NISCH: variants seen among roughly 807,000 people sequenced by gnomAD.
NISCH encodes nischarin, also known as I-1 receptor candidate protein.
A neutral mutation model predicts 138.4 loss-of-function variants in NISCH; 55 were observed. The ratio of observed to expected loss-of-function variants is 0.40; its 90% CI spans 0.32 to 0.50. The LOEUF (loss-of-function observed/expected upper bound fraction) is 0.50, where lower values mean the gene tolerates loss of function less well. Among genes scored for constraint, NISCH ranks in the 20% least tolerant of loss-of-function variants. The pLI, the probability that NISCH is intolerant of heterozygous loss-of-function variation, is 0.71. For synonymous variants in NISCH, 860 were observed against 861.5 expected, an observed-to-expected ratio of 1.00 and a Z score of 0.03; for missense variants, 1,643 against 2,005.5, an observed-to-expected ratio of 0.82 and a Z score of 3.45.
At chr3:52,473,516 G>C (rs952258724) in intron 6 of NISCH, among the ~76,000 whole-genome samples, 2 of 152,200 alleles carry the variant, frequency 1.3e-5, no homozygotes, top group Non-Finnish European at 2.9e-5. Context: ...TTGTGAGTCT[G>C]AGGGGCCAGG....
Position 52,457,878 on chromosome 3 carries a change from G to A in NISCH, c.129G>A (p.Glu43=). ...YIIQVTDGSH[E]WTVKHRYSDF... is the part of the protein sequence containing the mutation. ...TCCAGGTCACTGATGGCAGCCATGAGTGGACAGTAAAGCACCGCTACAGCG... is the reference window on the plus strand; with the variant it reads ...TCCAGGTCACTGATGGCAGCCATGAATGGACAGTAAAGCACCGCTACAGCG... Residue 43 remains glutamate, a synonymous_variant, in exon 2 of 21, where the codon GAG becomes GAA. Coordinates refer to ENST00000345716, the MANE Select transcript of NISCH (RefSeq NM_007184.4). 2.5e-6 allele frequency: 4 copies of A among 1,612,606 alleles called. No homozygotes were observed. The highest frequency in any genetic ancestry group is 2.2e-5 in the East Asian group (1 of 44,816).
chr3:52,456,844 A>G (rs921851392), intron 1 of NISCH, among the ~76,000 whole-genome samples: 2 of 152,182 alleles, frequency 1.3e-5, no homozygotes, highest in Non-Finnish European at 2.9e-5. Context: ...TAGGTGCAGG[A>G]GGCGGGTGAG....
intron 13 of NISCH, among the ~76,000 whole-genome samples, chr3:52,483,813 A>G (rs1488872659): frequency 6.6e-6 from 1 of 152,242 alleles, no homozygotes; most frequent in Non-Finnish European, 1.5e-5. Flanking sequence ...ATGCTCCAGG[A>G]GTGAACACAT....
rs1023573631 is a variant in NISCH, at chr3:52,484,219, G to C, written c.1529-294G>C. ...TAATCTATCCTGGTTTTTAAAAAAT[G>C]TGTCTGTGGAAGTTTAATTTTTATG... On this transcript the variant is annotated intron_variant, in intron 13 of 20. Transcript: ENST00000345716. 8.7e-6 allele frequency: 3 copies of C among 346,136 alleles called. No individual in the cohort carries two copies. The South Asian group carries it at 1.5e-4, about 18-fold the overall frequency. 21.4% of individuals were successfully genotyped at this position (346,136 alleles called of 1,614,324 possible).
At position 52,458,804 on chromosome 3, in the gene NISCH, C is replaced by A. The variant is rs1476032512; in HGVS notation, c.320C>A (p.Thr107Asn). 1 of 1,611,746 alleles carries A rather than the reference C, an allele frequency of 6.2e-7. No homozygotes were observed. The highest frequency in any genetic ancestry group is 8.5e-7 in the Non-Finnish European group (1 of 1,179,676). Residue 107 changes from threonine (T) to asparagine (N), a missense_variant, in exon 3 of 21, where the codon ACC becomes AAC. Transcript: ENST00000345716. The part of the protein sequence containing the change: ...QKLLAAFPGV[T>N]PRVLAHFLHF... ...CTCCTGGCTGCCTTCCCTGGCGTGA[C>A]CCCCAGAGTACTGGCCCACTTCTTG... is the stretch of plus-strand genomic sequence containing the variant.
At chr3:52,491,008 C>T (rs908547083) in intron 19 of NISCH, among the ~76,000 whole-genome samples, 175 bp downstream of exon 19, 27 of 152,238 alleles carry the variant, frequency 1.8e-4, no homozygotes, top group African/African-American at 6.5e-4. Flanking sequence ...GCAGAACTCA[C>T]GCTCCAGGGC....
At chr3:52,480,346 G>A in intron 13 of NISCH, 51 bp downstream of exon 13, 1 of 1,607,880 alleles carries the variant, frequency 6.2e-7, no homozygotes. Flanking sequence ...CCCTGCCTGG[G>A]CCCCCTGGCT....
At chr3:52,489,248 A>G (rs1707495316) in intron 16 of NISCH, 88 bp from the exon 17 acceptor site, 2 of 1,469,132 alleles carry the variant, frequency 1.4e-6, no homozygotes, top group Non-Finnish European at 1.9e-6. Flanking sequence ...TGTGTGATGC[A>G]CACAGTCTCC....
At chr3:52,482,157 G>A (rs546910855) in intron 13 of NISCH, among the ~76,000 whole-genome samples, 10 of 152,182 alleles carry the variant, frequency 6.6e-5, no homozygotes, top group Non-Finnish European at 1.2e-4. Flanking sequence ...AGGCCTCCCC[G>A]TGTGTTTTTT....
intron 13 of NISCH, chr3:52,481,746 C>T (rs1707281005): frequency 1.0e-6 from 1 of 985,484 alleles, no homozygotes; most frequent in Admixed American, 6.1e-5. Context: ...GGCAGCCCCC[C>T]ACATTGTCGG....
Position 52,487,698 on chromosome 3 carries a change from A to G in NISCH, c.2206A>G (p.Ile736Val). 6.2e-7 allele frequency: 1 copy of G among 1,613,724 alleles called. No homozygotes were observed. The highest frequency in any genetic ancestry group is 1.3e-5 in the African/African-American group (1 of 74,992). Residue 736 changes from isoleucine to valine, a missense_variant, in exon 16 of 21, where the codon ATC becomes GTC. By Grantham distance (29) the Ile-to-Val change is conservative. Transcript: ENST00000345716. This position sits in a 1 kb window ranked among gnomAD's most constrained non-coding sequence, Gnocchi z 9.1. Reference protein sequence around the residue: ...AACLVLTDFGIAVFEIPHQES... With the variant: ...AACLVLTDFGVAVFEIPHQES... ...CTGCCTTGTGCTCACCGACTTCGGC[A>G]TCGCAGTCTTCGAGATCCCGCACCA...
At chr3:52,465,100 A>G (rs1474194174) in intron 3 of NISCH, among the ~76,000 whole-genome samples, 1 of 152,216 alleles carries the variant, frequency 6.6e-6, no homozygotes, top group Non-Finnish European at 1.5e-5. Flanking sequence ...ATCCAAGGTC[A>G]CAAAGATTTA....
intron 4 of NISCH, 84 bp from the exon 5 acceptor site, chr3:52,471,730 G>A (rs918117046): frequency 7.1e-7 from 1 of 1,404,044 alleles, no homozygotes; most frequent in South Asian, 1.2e-5. Flanking sequence ...CCAACTGCTT[G>A]TTGACAGAAA....
chr3:52,480,984 G>C, intron 13 of NISCH: 1 of 1,451,204 alleles, frequency 6.9e-7, no homozygotes, highest in Non-Finnish European at 9.1e-7. Flanking sequence ...GCCGAGGCTC[G>C]GGACACGCAG....
intron 3 of NISCH, among the ~76,000 whole-genome samples, chr3:52,462,812 A>G (rs1176846277): frequency 2.0e-5 from 3 of 151,548 alleles, no homozygotes; most frequent in South Asian, 4.2e-4. Context: ...AATTTTTTGT[A>G]TTTTTAGTAG....
At chr3:52,473,624 T>C in intron 6 of NISCH, 110 bp from the exon 7 acceptor site, 1 of 658,480 alleles carries the variant, frequency 1.5e-6, no homozygotes, top group Non-Finnish European at 2.6e-6. Context: ...CTCTGAGGAT[T>C]TGGGTTGCCT....
intron 3 of NISCH, among the ~76,000 whole-genome samples, chr3:52,466,999 C>CTTTTTTTT (rs11457136): frequency 1.5e-4 from 19 of 122,742 alleles, no homozygotes; most frequent in African/African-American, 3.1e-4. Context: ...GTTTCTTTTT[C>CTTTTTTTT]TTTTTTTTTT....
At chr3:52,470,782 G>C in intron 3 of NISCH, 77 bp from the exon 4 acceptor site, 1 of 1,176,280 alleles carries the variant, frequency 8.5e-7, no homozygotes, top group Non-Finnish European at 1.3e-6. Context: ...CAACAGAGGG[G>C]ATAGATAGCG....
chr3:52,489,319 T>C lies in NISCH; in HGVS notation c.3114-17T>C. 7 of 1,601,958 alleles carry C rather than the reference T, an allele frequency of 4.4e-6. No individual in the cohort carries two copies. The highest frequency in any genetic ancestry group is 6.0e-6 in the Non-Finnish European group (7 of 1,174,128). ...TTTGGGGTCCGCTGTTAATATGGTGTTTTTCGGGGGATACAGCAATGACCA... is the reference window on the plus strand; with the variant it reads ...TTTGGGGTCCGCTGTTAATATGGTGCTTTTCGGGGGATACAGCAATGACCA... On this transcript the variant is annotated splice_polypyrimidine_tract_variant and intron_variant, in intron 16 of 20. Transcript: ENST00000345716.
Sources: gnomAD v4.1 joint callset for allele counts (sites outside exome capture counted in the v4.1 genomes callset) on GRCh38, gnomAD v4.1.1 for gene constraint, Gnocchi (gnomAD v3.1) non-coding constraint, MANE v1.5 for transcripts, NCBI Gene and HGNC (gene_info 2026-07-23, HGNC 2026-07-21) for gene names.